CDH13: variants seen among roughly 807,000 people sequenced by gnomAD.
The protein encoded by CDH13 is cadherin-13.
CDH13 carries 24 observed loss-of-function variants against 63.8 expected under a neutral mutation model. The observed-to-expected ratio is 0.38, with a 90% CI of 0.27 to 0.53. The LOEUF is 0.53. CDH13 is among the 20% of genes least tolerant of loss of function. The probability of loss-of-function intolerance (pLI) is 0.85; values close to 1 mark genes in which losing one functional copy is unlikely to be tolerated. For synonymous variants in CDH13, 503 were observed against 355.3 expected (o/e 1.42, Z -4.67); for missense variants, 1,049 against 903.1 (o/e 1.16, Z -2.07).
chr16:83,295,247 TA>T (rs1434455467), intron 5 of CDH13, among the ~76,000 whole-genome samples: 1 of 152,126 alleles, frequency 6.6e-6, no homozygotes, highest in East Asian at 1.9e-4. Flanking sequence ...AATAAAGATT[TA>T]AATGTAAGAC....
At chr16:83,274,034 A>C (rs2088907131) in intron 5 of CDH13, among the ~76,000 whole-genome samples, 2 of 152,140 alleles carry the variant, frequency 1.3e-5, no homozygotes, top group African/African-American at 4.8e-5. Flanking sequence ...ACCTGGGGTT[A>C]AGCTCTCTTC....
At chr16:83,772,427 C>T (rs1373582239) in intron 11 of CDH13, among the ~76,000 whole-genome samples, 3 of 152,068 alleles carry the variant, frequency 2.0e-5, no homozygotes, top group Admixed American at 6.5e-5. Flanking sequence ...CCCAGAAACA[C>T]GATAAATTAG....
At chr16:83,253,452 G>T (rs922115557) in intron 5 of CDH13, among the ~76,000 whole-genome samples, 2 of 152,210 alleles carry the variant, frequency 1.3e-5, no homozygotes, top group African/African-American at 2.4e-5. Flanking sequence ...GGCAAAATCT[G>T]TGTGGTCGTG....
Position 82,681,321 on chromosome 16 carries a change from A to T in CDH13, c.45+54184A>T, listed in dbSNP as rs565003474. Among the ~76,000 whole-genome samples, 6 of 152,270 alleles carry T rather than the reference A, an allele frequency of 3.9e-5. 1 individual carries two copies. In the South Asian group the frequency reaches 1.0e-3, roughly 26 times the overall value. The stretch of plus-strand genomic sequence containing the variant: ...GCAATTCCATGGACACAGACAGTAG[A>T]TTCGTGATTGCCAGGGGCGTGGAGG... On this transcript the variant is annotated intron_variant, in intron 1 of 13. Transcript: ENST00000567109.
chr16:83,271,036 A>C (rs1448068280), intron 5 of CDH13, among the ~76,000 whole-genome samples: 1 of 151,184 alleles, frequency 6.6e-6, no homozygotes, highest in Non-Finnish European at 1.5e-5. Flanking sequence ...CTAAGTATAC[A>C]GCCATGAACA....
intron 5 of CDH13, among the ~76,000 whole-genome samples, chr16:83,294,427 C>T (rs1209291145): frequency 2.0e-5 from 3 of 152,142 alleles, no homozygotes; most frequent in East Asian, 1.9e-4. Context: ...CTGGCAACCA[C>T]CATTCTACTC....
intron 2 of CDH13, among the ~76,000 whole-genome samples, chr16:82,930,526 A>G (rs757278168): frequency 6.6e-5 from 10 of 152,148 alleles, no homozygotes; most frequent in Non-Finnish European, 1.2e-4. Flanking sequence ...TACATATCTA[A>G]TTTATCTATT....
At chr16:83,003,419 C>G (rs1913150990) in intron 2 of CDH13, among the ~76,000 whole-genome samples, 1 of 151,254 alleles carries the variant, frequency 6.6e-6, no homozygotes, top group Admixed American at 6.6e-5. Flanking sequence ...TCTCAAAAAT[C>G]CAGGCTCATA....
chr16:83,133,008 G>A (rs899972859), intron 4 of CDH13, among the ~76,000 whole-genome samples: 35 of 152,158 alleles, frequency 2.3e-4, no homozygotes, highest in African/African-American at 8.2e-4. Context: ...CTCTAAGGCT[G>A]CACTGTCCCA....
At chr16:82,704,561 G>T (rs9930854) in intron 1 of CDH13, among the ~76,000 whole-genome samples, 47,378 of 152,032 alleles carry the variant, frequency 0.31, 7,931 homozygotes, top group Middle Eastern at 0.45. Flanking sequence ...CTTGCTATTG[G>T]TGCTGTCCAA....
chr16:83,357,567 T>G (rs946491917), intron 6 of CDH13, among the ~76,000 whole-genome samples: 1 of 152,066 alleles, frequency 6.6e-6, no homozygotes, highest in Non-Finnish European at 1.5e-5. Flanking sequence ...TGGTCCAAGT[T>G]TGAATGATTT....
intron 3 of CDH13, among the ~76,000 whole-genome samples, chr16:83,035,492 T>C (rs1428452642): frequency 1.3e-5 from 2 of 152,172 alleles, no homozygotes; most frequent in Admixed American, 6.5e-5. Flanking sequence ...TTCTGCCTCA[T>C]AGTGAGTTTT....
At chr16:83,397,644 G>A (rs1427620310) in intron 6 of CDH13, among the ~76,000 whole-genome samples, 1 of 152,210 alleles carries the variant, frequency 6.6e-6, no homozygotes, top group Non-Finnish European at 1.5e-5. Flanking sequence ...TTTGTAGCTT[G>A]AAGAGTTGCT....
At chr16:83,384,455 C>G (rs983834446) in intron 6 of CDH13, among the ~76,000 whole-genome samples, 4 of 152,182 alleles carry the variant, frequency 2.6e-5, no homozygotes, top group African/African-American at 9.7e-5. Flanking sequence ...AAGGGTTAAG[C>G]CAAGAGGCTT....
intron 4 of CDH13, among the ~76,000 whole-genome samples, chr16:83,179,763 T>C (rs2038274031): frequency 6.6e-6 from 1 of 152,194 alleles, no homozygotes; most frequent in South Asian, 2.1e-4. Context: ...TTGCAGTCTT[T>C]TCCAGTGCTA....
intron 4 of CDH13, among the ~76,000 whole-genome samples, chr16:83,212,590 G>C (rs1480674821): frequency 6.6e-6 from 1 of 152,130 alleles, no homozygotes; most frequent in African/African-American, 2.4e-5. Context: ...GTTTAAAATA[G>C]GTCTAGAAAG....
intron 4 of CDH13, among the ~76,000 whole-genome samples, chr16:83,125,826 T>G (rs1312901714): frequency 6.6e-6 from 1 of 152,148 alleles, no homozygotes; most frequent in Non-Finnish European, 1.5e-5. Context: ...TAGGGCCCCC[T>G]AGGATGGTAG....
chr16:83,147,999 T>A (rs1448400816), intron 4 of CDH13, among the ~76,000 whole-genome samples: 1 of 152,210 alleles, frequency 6.6e-6, no homozygotes, highest in African/African-American at 2.4e-5. Context: ...AGTGGTACGA[T>A]GTTTGCTTAA....
intron 1 of CDH13, chr16:82,719,282 A>G (rs1331236003): frequency 6.8e-6 from 3 of 443,144 alleles, no homozygotes; most frequent in African/African-American, 2.0e-5. Context: ...GCCTGAGTCT[A>G]TCTGGGACAG....
Sources: allele counts gnomAD v4.1 joint callset (sites outside exome capture counted in the v4.1 genomes callset), GRCh38; gene constraint gnomAD v4.1.1; transcripts MANE v1.5; gene names NCBI Gene and HGNC (gene_info 2026-07-23, HGNC 2026-07-21).